The following SGCZ variants were observed in gnomAD, a reference collection of about 807,000 sequenced individuals.
The protein encoded by SGCZ is zeta-sarcoglycan.
In SGCZ, 40 loss-of-function variants were observed where a neutral mutation model predicts 41.3. The ratio of observed to expected loss-of-function variants is 0.97; its 90% CI spans 0.75 to 1.26. The LOEUF is 1.26. SGCZ is among the 50% of genes most tolerant of loss of function. SGCZ has a pLI of 0.00. For synonymous variants in SGCZ, 206 were observed against 137.5 expected, an observed-to-expected ratio of 1.50 and a Z score of -3.49; for missense variants, 552 against 369.8, an observed-to-expected ratio of 1.49 and a Z score of -4.04.
chr8:14,787,010 C>G (rs999047039), intron 1 of SGCZ, among the ~76,000 whole-genome samples: 1 of 152,040 alleles, frequency 6.6e-6, no homozygotes, highest in African/African-American at 2.4e-5. Context: ...AAACTCTTTC[C>G]TACAAGCTCA....
At chr8:15,131,854 G>A (rs895639728) in intron 1 of SGCZ, among the ~76,000 whole-genome samples, 3 of 152,150 alleles carry the variant, frequency 2.0e-5, no homozygotes, top group Non-Finnish European at 4.4e-5. Flanking sequence ...GAGGTGAAAT[G>A]TGTTTCTCAG....
intron 7 of SGCZ, among the ~76,000 whole-genome samples, chr8:14,093,377 C>A (rs1473869023): frequency 6.6e-6 from 1 of 152,046 alleles, no homozygotes; most frequent in African/African-American, 2.4e-5. Flanking sequence ...GATGTCATCC[C>A]CCACACTTCA....
At chr8:15,085,456 C>G (rs1190359080) in intron 1 of SGCZ, among the ~76,000 whole-genome samples, 1 of 152,060 alleles carries the variant, frequency 6.6e-6, no homozygotes, top group Admixed American at 6.6e-5. Flanking sequence ...GCCTTCTTTC[C>G]AGGTTCCAAA....
chr8:14,521,188 C>T (rs962047787), intron 2 of SGCZ, among the ~76,000 whole-genome samples: 1 of 152,160 alleles, frequency 6.6e-6, no homozygotes, highest in Non-Finnish European at 1.5e-5. Flanking sequence ...TTGCCCTTTG[C>T]AGCCACATCT....
intron 1 of SGCZ, among the ~76,000 whole-genome samples, chr8:15,231,615 T>A: frequency 7.7e-6 from 1 of 130,458 alleles, no homozygotes; most frequent in African/African-American, 3.1e-5. Flanking sequence ...ATATTCTTTT[T>A]TTTTTTTTTT....
chr8:15,116,568 G>A (rs1269319317), intron 1 of SGCZ, among the ~76,000 whole-genome samples: 1 of 152,134 alleles, frequency 6.6e-6, no homozygotes, highest in East Asian at 1.9e-4. Flanking sequence ...TCCAATTATT[G>A]CTTCTCAGTG....
intron 1 of SGCZ, among the ~76,000 whole-genome samples, chr8:14,968,258 T>C (rs1324712707): frequency 6.6e-6 from 1 of 152,146 alleles, no homozygotes; most frequent in Non-Finnish European, 1.5e-5. Flanking sequence ...ACAACACAAT[T>C]GTATTTCTAT....
intron 1 of SGCZ, among the ~76,000 whole-genome samples, chr8:14,754,301 T>A (rs1799589781): frequency 2.6e-5 from 4 of 152,192 alleles, no homozygotes; most frequent in South Asian, 4.1e-4. Context: ...TTAACCTACT[T>A]AGAATTGCAG....
At chr8:14,821,083 C>A in intron 1 of SGCZ, among the ~76,000 whole-genome samples, 1 of 151,488 alleles carries the variant, frequency 6.6e-6, no homozygotes, top group African/African-American at 2.4e-5. Flanking sequence ...TTAAGATAGA[C>A]AACAAAAATA....
chr8:15,079,096 A>C (rs1246819299), intron 1 of SGCZ, among the ~76,000 whole-genome samples: 1 of 152,142 alleles, frequency 6.6e-6, no homozygotes, highest in African/African-American at 2.4e-5. Context: ...TCTAGCCTCT[A>C]AAAGATCCGT....
At chr8:15,129,366 T>C (rs571186746) in intron 1 of SGCZ, among the ~76,000 whole-genome samples, 2 of 152,266 alleles carry the variant, frequency 1.3e-5, no homozygotes, top group African/African-American at 4.8e-5. Context: ...CAAGTTATTA[T>C]TATATTAGCC....
Position 15,192,527 on chromosome 8 carries a change from C to T in SGCZ, c.39+45058G>A, listed in dbSNP as rs924004913. Among the ~76,000 whole-genome samples the T allele has an allele frequency of 6.6e-5, 10 of 152,110 alleles. 1 individual carries two copies. The highest frequency in any genetic ancestry group is 2.4e-4 in the African/African-American group (10 of 41,390). On this transcript the variant is annotated intron_variant, in intron 1 of 7. Transcript: ENST00000382080. ...CAGTTGAAAATACTCATTCTTTATG[C>T]TCTTCTACAACTTTGAAATTTGGAT...
At chr8:14,748,922 A>G (rs1799415871) in intron 1 of SGCZ, among the ~76,000 whole-genome samples, 2 of 152,124 alleles carry the variant, frequency 1.3e-5, no homozygotes, top group African/African-American at 4.8e-5. Context: ...ACTAAGGTAG[A>G]TTAAATGATT....
At position 15,235,249 on chromosome 8, in the gene SGCZ, A is replaced by G. The variant is rs576571830; in HGVS notation, c.39+2336T>C. On this transcript the variant is annotated intron_variant, in intron 1 of 7. Coordinates refer to ENST00000382080, the MANE Select transcript of SGCZ (RefSeq NM_139167.4). ...CACTGCATCCATCTCTACAAACTGTATATATTTCAGAAGGATTCCACAGCC... is the reference window on the plus strand; with the variant it reads ...CACTGCATCCATCTCTACAAACTGTGTATATTTCAGAAGGATTCCACAGCC... Among the ~76,000 whole-genome samples, 6 of 152,308 alleles carry G rather than the reference A, an allele frequency of 3.9e-5. No homozygotes were observed. In the East Asian group the frequency reaches 1.2e-3, roughly 29 times the overall value.
chr8:15,099,113 A>G (rs745593497), intron 1 of SGCZ, among the ~76,000 whole-genome samples: 11 of 152,208 alleles, frequency 7.2e-5, no homozygotes, highest in Non-Finnish European at 1.5e-4. Flanking sequence ...TTATTAAACC[A>G]TGGTTTTTCA....
At chr8:14,928,625 G>A (rs974202782) in intron 1 of SGCZ, among the ~76,000 whole-genome samples, 1 of 152,150 alleles carries the variant, frequency 6.6e-6, no homozygotes, top group African/African-American at 2.4e-5. Context: ...AATTTGTGGA[G>A]AATTATATTA....
chr8:15,176,001 A>G (rs1434961227), intron 1 of SGCZ, among the ~76,000 whole-genome samples: 1 of 152,218 alleles, frequency 6.6e-6, no homozygotes. Context: ...AAGAGTTTAT[A>G]CTTACTGTAT....
At chr8:14,710,229 G>A (rs536587774) in intron 1 of SGCZ, among the ~76,000 whole-genome samples, 32 of 152,004 alleles carry the variant, frequency 2.1e-4, no homozygotes, top group Non-Finnish European at 3.4e-4. Context: ...AATTAGCAGG[G>A]CGTGGTGGCA....
At chr8:14,623,354 A>T (rs1216549828) in intron 1 of SGCZ, among the ~76,000 whole-genome samples, 3 of 152,192 alleles carry the variant, frequency 2.0e-5, no homozygotes, top group Non-Finnish European at 4.4e-5. Flanking sequence ...TATTTTTGTA[A>T]TTAAAAGGAA....
Sources: allele counts gnomAD v4.1 joint callset (sites outside exome capture counted in the v4.1 genomes callset), GRCh38; gene constraint gnomAD v4.1.1; transcripts MANE v1.5; gene names NCBI Gene and HGNC (gene_info 2026-07-23, HGNC 2026-07-21).